Variants in ROBO1 observed in about 807,000 individuals in gnomAD.
ROBO1 encodes the protein roundabout homolog 1.
ROBO1 carries 149 observed loss-of-function variants against 195.9 expected under a neutral mutation model. That is an observed-to-expected ratio of 0.76 (90% CI 0.67 to 0.87). The LOEUF (loss-of-function observed/expected upper bound fraction) is 0.87, where lower values mean the gene tolerates loss of function less well. Ranked by LOEUF, ROBO1 falls within the 40% of genes least tolerant of loss-of-function variation. The pLI, the probability that ROBO1 is intolerant of heterozygous loss-of-function variation, is 0.00. For missense variants in ROBO1, 1,933 were observed against 2,068.3 expected, an observed-to-expected ratio of 0.93 and a Z score of 1.27; for synonymous variants, 816 against 733.2, an observed-to-expected ratio of 1.11 and a Z score of -1.82.
chr3:79,434,675 T>A, intron 2 of ROBO1, among the ~76,000 whole-genome samples: 1 of 152,090 alleles, frequency 6.6e-6, no homozygotes, highest in African/African-American at 2.4e-5. Context: ...AGGATCTAGA[T>A]CTATTAATAC....
chr3:79,232,379 A>G (rs1414212123), intron 2 of ROBO1, among the ~76,000 whole-genome samples: 1 of 151,134 alleles, frequency 6.6e-6, no homozygotes, highest in Non-Finnish European at 1.5e-5. Context: ...AAAAAAATAA[A>G]AGATATAGAG....
At chr3:78,770,179 C>A (rs1342137901) in intron 4 of ROBO1, among the ~76,000 whole-genome samples, 1 of 152,130 alleles carries the variant, frequency 6.6e-6, no homozygotes, top group African/African-American at 2.4e-5. Flanking sequence ...GTTTTCCAGG[C>A]TTTTAGATTT....
intron 4 of ROBO1, among the ~76,000 whole-genome samples, chr3:78,811,007 T>A (rs2108626576): frequency 6.6e-6 from 1 of 152,310 alleles, no homozygotes; most frequent in African/African-American, 2.4e-5. Flanking sequence ...ATGTGTTCAC[T>A]CCTAACCAGT....
chr3:79,429,868 CTTATT>C (rs1347106429), intron 2 of ROBO1, among the ~76,000 whole-genome samples: 2 of 151,864 alleles, frequency 1.3e-5, no homozygotes, highest in African/African-American at 2.4e-5. Context: ...TTAATTGGTT[CTTATT>C]TTATTTTTTC....
chr3:79,619,831 T>A (rs1201257619), intron 1 of ROBO1, among the ~76,000 whole-genome samples: 1 of 152,068 alleles, frequency 6.6e-6, no homozygotes, highest in Non-Finnish European at 1.5e-5. Context: ...TATTACCCAA[T>A]CCACTCCTGA....
intron 1 of ROBO1, among the ~76,000 whole-genome samples, chr3:79,753,095 G>T (rs1298616747): frequency 6.6e-6 from 1 of 152,254 alleles, no homozygotes; most frequent in Middle Eastern, 3.4e-3. Context: ...TGAAAATAAA[G>T]CTGGAGAGAC....
intron 1 of ROBO1, among the ~76,000 whole-genome samples, chr3:79,638,425 C>G (rs1945559754): frequency 6.6e-6 from 1 of 152,112 alleles, no homozygotes; most frequent in Non-Finnish European, 1.5e-5. Flanking sequence ...GAGTCTTGCT[C>G]TGTCACCCAG....
At chr3:79,720,927 G>T (rs890865159) in intron 1 of ROBO1, among the ~76,000 whole-genome samples, 1 of 151,934 alleles carries the variant, frequency 6.6e-6, no homozygotes, top group African/African-American at 2.4e-5. Flanking sequence ...CGAGTAGCTG[G>T]GACTACAGGC....
At chr3:79,200,057 A>G (rs766570595) in intron 2 of ROBO1, among the ~76,000 whole-genome samples, 5 of 151,946 alleles carry the variant, frequency 3.3e-5, no homozygotes, top group Admixed American at 1.3e-4. Context: ...TAACTGTAGG[A>G]AGACAAAAAG....
At chr3:78,974,185 A>G (rs754136882) in intron 3 of ROBO1, among the ~76,000 whole-genome samples, 1 of 152,190 alleles carries the variant, frequency 6.6e-6, no homozygotes, top group Non-Finnish European at 1.5e-5. Flanking sequence ...GGCCAATATA[A>G]CAATTTCTAT....
intron 2 of ROBO1, among the ~76,000 whole-genome samples, chr3:79,268,445 T>C (rs1221629416): frequency 6.6e-6 from 1 of 151,688 alleles, no homozygotes; most frequent in African/African-American, 2.4e-5. Flanking sequence ...TTCACCTTCC[T>C]GTCCCACATG....
chr3:79,199,734 C>A (rs200716077), intron 2 of ROBO1, among the ~76,000 whole-genome samples: 2 of 151,604 alleles, frequency 1.3e-5, no homozygotes, highest in African/African-American at 4.8e-5. Flanking sequence ...TAGGATGGGA[C>A]ACATTTTTCT....
chr3:79,421,270 T>C (rs1344762303), intron 2 of ROBO1, among the ~76,000 whole-genome samples: 1 of 152,006 alleles, frequency 6.6e-6, no homozygotes, highest in Non-Finnish European at 1.5e-5. Flanking sequence ...ACCTATTGGG[T>C]ACTATGCTTC....
intron 1 of ROBO1, among the ~76,000 whole-genome samples, chr3:79,675,146 G>T (rs974121457): frequency 6.6e-6 from 1 of 151,838 alleles, no homozygotes. Context: ...AACATTAAAC[G>T]TGCATTTGGT....
chr3:78,651,824 C>A lies in ROBO1; in HGVS notation c.2720G>T (p.Cys907Phe). The A allele has an allele frequency of 6.2e-7, 1 of 1,613,828 alleles. No individual in the cohort carries two copies. The highest frequency in any genetic ancestry group is 8.5e-7 in the Non-Finnish European group (1 of 1,179,776). ...PAFIAGIGAA[C>F]WIILMVFSIW... ...GCTGAAGACCATGAGGATGATCCAA[C>A]AGGCTGCTCCAATACCTGCTATGAA... The change falls in exon 19 of 31, where the codon TGT becomes TTT. Residue 907 changes from cysteine to phenylalanine, a missense_variant. Cys to Phe is a radical substitution (Grantham distance 205). This residue lies in a region of ROBO1 where 1,737 missense variants were observed against 1,882.5 expected (regional missense o/e 0.92). Transcript: ENST00000464233.
At chr3:78,848,561 G>C (rs2033825991) in intron 4 of ROBO1, among the ~76,000 whole-genome samples, 2 of 152,150 alleles carry the variant, frequency 1.3e-5, no homozygotes, top group South Asian at 4.1e-4. Flanking sequence ...AGACCTTAGA[G>C]AAGGGAGGGG....
At chr3:79,044,651 T>G (rs1032597483) in intron 3 of ROBO1, among the ~76,000 whole-genome samples, 12 of 152,062 alleles carry the variant, frequency 7.9e-5, no homozygotes, top group South Asian at 4.1e-4. Flanking sequence ...GGAGTTAGTA[T>G]GGAAATTGGA....
At chr3:79,470,653 T>C (rs4589897) in intron 2 of ROBO1, among the ~76,000 whole-genome samples, 101,896 of 151,874 alleles carry the variant, frequency 0.67, 35,775 homozygotes, top group African/African-American at 0.9. Flanking sequence ...GCAGTTTCCC[T>C]CATACTGTTC....
Position 78,798,108 on chromosome 3 carries a change from T to C in ROBO1, c.500-51208A>G, listed in dbSNP as rs1181158191. ...TTTAGAAAACACACTATAAAGTTCA[T>C]ATGGGTACAGGTGAAACTATTCATG... On this transcript the variant is annotated intron_variant, in intron 4 of 30. Transcript: ENST00000464233. Among the ~76,000 whole-genome samples the C allele has an allele frequency of 5.3e-5, 8 of 152,204 alleles. No homozygotes were observed. In the East Asian group the frequency reaches 1.2e-3, roughly 22 times the overall value.
Sources: gnomAD v4.1 joint callset for allele counts (sites outside exome capture counted in the v4.1 genomes callset) on GRCh38, gnomAD v4.1.1 for gene constraint, gnomAD v4.1.1 regional missense constraint, MANE v1.5 for transcripts, NCBI Gene and HGNC (gene_info 2026-07-23, HGNC 2026-07-21) for gene names.